PHC3: variants seen among roughly 807,000 people sequenced by gnomAD.
PHC3 encodes the protein polyhomeotic homolog 3.
In PHC3, 13 loss-of-function variants were observed where a neutral mutation model predicts 107.4. That is an observed-to-expected ratio of 0.12 (90% CI 0.08 to 0.19). The LOEUF is 0.19. Ranked by LOEUF, PHC3 falls within the 10% of genes least tolerant of loss-of-function variation. PHC3 has a pLI of 1.00. For synonymous variants in PHC3, 456 were observed against 427.4 expected (o/e 1.07, Z -0.83); for missense variants, 992 against 1,210.9 (o/e 0.82, Z 2.68).
At chr3:170,130,581 C>G (rs1183830808) in intron 7 of PHC3, among the ~76,000 whole-genome samples, 1 of 152,026 alleles carries the variant, frequency 6.6e-6, no homozygotes, top group Non-Finnish European at 1.5e-5. Context: ...CAATCAGAAG[C>G]CCATGCTACC....
intron 12 of PHC3, among the ~76,000 whole-genome samples, chr3:170,104,066 A>C (rs968459782): frequency 1.3e-5 from 2 of 152,174 alleles, no homozygotes; most frequent in African/African-American, 2.4e-5. Context: ...CCAGACCCTG[A>C]CTCAAAACAA....
intron 12 of PHC3, among the ~76,000 whole-genome samples, chr3:170,103,480 C>T (rs1715864601): frequency 6.6e-6 from 1 of 152,120 alleles, no homozygotes; most frequent in South Asian, 2.1e-4. Context: ...GAATTCATTG[C>T]TCTCACTATT....
rs1306802094 is a variant in PHC3, at chr3:170,173,512, G to A, written c.181-800C>T. On this transcript the variant is annotated intron_variant, in intron 2 of 14. Coordinates refer to ENST00000495893, the MANE Select transcript of PHC3 (RefSeq NM_024947.4). ...ATAACAAATAGTAATGTAGATCAGT[G>A]CTGTCCTATACAGTAACAACTAGTC... Among the ~76,000 whole-genome samples the A allele has an allele frequency of 5.3e-5, 8 of 152,170 alleles. No individual in the cohort carries two copies. The East Asian group carries it at 1.5e-3, about 29-fold the overall frequency.
In PHC3 at chr3:170,092,388, T is replaced by A. The variant is rs1056392879; in HGVS notation, c.*4842A>T. The A allele has an allele frequency of 2.6e-5, 4 of 152,230 alleles. No individual in the cohort carries two copies. The highest frequency in any genetic ancestry group is 7.2e-5 in the African/African-American group (3 of 41,464). The allele number at this position is 152,230 out of a possible 1,614,324, so 9.4% of individuals were successfully genotyped here. A position where few individuals can be genotyped will look rare whatever the true frequency, so the allele number is the denominator to read the frequency against. ...ACTTTTCCTAATACTGTATTTGTGCTTATCTAAAGTGGATCACAATCTTTG... is the reference window on the plus strand; with the variant it reads ...ACTTTTCCTAATACTGTATTTGTGCATATCTAAAGTGGATCACAATCTTTG... On this transcript the variant is annotated 3_prime_UTR_variant, in exon 15 of 15. Coordinates refer to ENST00000495893, the MANE Select transcript of PHC3 (RefSeq NM_024947.4).
intron 5 of PHC3, chr3:170,148,781 G>C (rs566350839): frequency 2.1e-5 from 4 of 191,982 alleles, no homozygotes; most frequent in African/African-American, 9.3e-5. Context: ...AAATTTCACA[G>C]ATATTAAAAT....
chr3:170,131,735 G>A (rs1722289547), intron 7 of PHC3, among the ~76,000 whole-genome samples: 1 of 152,304 alleles, frequency 6.6e-6, no homozygotes, highest in East Asian at 1.9e-4. Flanking sequence ...TACTCAGGAG[G>A]CTGAGGTGGG....
intron 4 of PHC3, among the ~76,000 whole-genome samples, chr3:170,164,810 C>T (rs763893684): frequency 3.9e-5 from 6 of 152,118 alleles, no homozygotes; most frequent in Non-Finnish European, 8.8e-5. Context: ...AACCAAAGGA[C>T]CAGGAAGGGC....
chr3:170,142,509 C>T (rs952340457), intron 6 of PHC3, among the ~76,000 whole-genome samples: 4 of 151,552 alleles, frequency 2.6e-5, no homozygotes, highest in African/African-American at 9.7e-5. Flanking sequence ...GTTTTATACA[C>T]TAAAGATACA....
chr3:170,156,428 T>G (rs925265124), intron 4 of PHC3, among the ~76,000 whole-genome samples: 4 of 151,062 alleles, frequency 2.6e-5, no homozygotes, highest in Admixed American at 6.6e-5. Flanking sequence ...GGCTAATTTT[T>G]GTATTCTTAG....
chr3:170,171,511 A>G, intron 3 of PHC3, 61 bp from the exon 4 acceptor site: 2 of 1,173,824 alleles, frequency 1.7e-6, no homozygotes, highest in Non-Finnish European at 2.4e-6. Context: ...ACTTTCTGGT[A>G]CCATGATAAC....
chr3:170,109,738 T>A (rs943341675), intron 11 of PHC3, among the ~76,000 whole-genome samples: 2 of 152,156 alleles, frequency 1.3e-5, no homozygotes, highest in African/African-American at 4.8e-5. Context: ...GCTACTTTGA[T>A]GAATCACAAT....
At chr3:170,177,336 T>A (rs1036336311) in intron 2 of PHC3, among the ~76,000 whole-genome samples, 8 of 152,156 alleles carry the variant, frequency 5.3e-5, no homozygotes, top group Non-Finnish European at 4.4e-5. Flanking sequence ...TCCTATAAAC[T>A]ACATGCTGAC....
At chr3:170,120,228 G>A (rs758528795) in intron 9 of PHC3, among the ~76,000 whole-genome samples, 182 of 152,036 alleles carry the variant, frequency 1.2e-3, no homozygotes, top group Admixed American at 2.9e-3. Flanking sequence ...CCATTTCAGT[G>A]TAAACCACAA....
chr3:170,164,669 A>G (rs1284283499), intron 4 of PHC3, among the ~76,000 whole-genome samples: 1 of 152,126 alleles, frequency 6.6e-6, no homozygotes, highest in Non-Finnish European at 1.5e-5. Context: ...AGAAAACAAC[A>G]TGGTAATGAA....
At chr3:170,103,040 A>T (rs563595508) in intron 12 of PHC3, 106 bp from the exon 13 acceptor site, 32 of 1,093,606 alleles carry the variant, frequency 2.9e-5, no homozygotes, top group African/African-American at 2.2e-4. Context: ...GTACCACAAT[A>T]CATCATTAAT....
At chr3:170,124,827 C>T (rs1720998413) in intron 8 of PHC3, among the ~76,000 whole-genome samples, 1 of 151,906 alleles carries the variant, frequency 6.6e-6, no homozygotes, top group African/African-American at 2.4e-5. Context: ...CAGCAAAACC[C>T]ATGTGTTGTA....
intron 8 of PHC3, among the ~76,000 whole-genome samples, chr3:170,126,402 TATTA>T (rs1721242009): frequency 6.6e-6 from 1 of 151,244 alleles, no homozygotes; most frequent in South Asian, 2.1e-4. Context: ...CAGAGAAAGT[TATTA>T]ATATCATTTT....
chr3:170,150,401 C>T (rs1293250228), intron 4 of PHC3, among the ~76,000 whole-genome samples: 1 of 151,792 alleles, frequency 6.6e-6, no homozygotes. Context: ...AAAGAATAAA[C>T]TAGAGCATTG....
chr3:170,175,639 G>T (rs571289037), intron 2 of PHC3, among the ~76,000 whole-genome samples: 3 of 151,102 alleles, frequency 2.0e-5, no homozygotes, highest in Non-Finnish European at 4.4e-5. Flanking sequence ...AAAAAAAAGG[G>T]GGGGGCCAGG....
Sources: gnomAD v4.1 joint callset for allele counts (sites outside exome capture counted in the v4.1 genomes callset) on GRCh38, gnomAD v4.1.1 for gene constraint, MANE v1.5 for transcripts, NCBI Gene and HGNC (gene_info 2026-07-23, HGNC 2026-07-21) for gene names.